The following UNC5A variants were observed in gnomAD, a reference collection of about 807,000 sequenced individuals.
The protein encoded by UNC5A is unc-5 netrin receptor A.
In UNC5A, 20 loss-of-function variants were observed where a neutral mutation model predicts 87.4. The observed-to-expected ratio is 0.23, with a 90% CI of 0.16 to 0.33. The LOEUF (loss-of-function observed/expected upper bound fraction) is 0.33, where lower values mean the gene tolerates loss of function less well. UNC5A is among the 10% of genes least tolerant of loss of function. The pLI, the probability that UNC5A is intolerant of heterozygous loss-of-function variation, is 1.00. For missense variants in UNC5A, 844 were observed against 1,133.4 expected (o/e 0.74, Z 3.67); for synonymous variants, 438 against 482.3 (o/e 0.91, Z 1.20).
intron 6 of UNC5A, among the ~76,000 whole-genome samples, chr5:176,870,983 C>T (rs1203585686): frequency 1.8e-5 from 2 of 109,544 alleles, no homozygotes; most frequent in Non-Finnish European, 3.8e-5. Flanking sequence ...CATCTGCCCA[C>T]GCTCGCCCCA....
chr5:176,868,260 C>T lies in UNC5A; in HGVS notation c.423C>T (p.Tyr141=). The change falls in exon 3 of 15, where the codon TAC becomes TAT. Residue 141 remains tyrosine (Y), a synonymous_variant. Coordinates refer to ENST00000329542, the MANE Select transcript of UNC5A (RefSeq NM_133369.3). The stretch of plus-strand genomic sequence containing the variant: ...GCACCACCAAGAGTCAGAAGGCCTA[C>T]ATCCGCATAGCCTGTGAGTCTAGGG... ...SSGTTKSQKA[Y]IRIAYLRKNF... is the part of the protein sequence containing the mutation. 3.1e-6 allele frequency: 5 copies of T among 1,613,506 alleles called. No homozygotes were observed. Among genetic ancestry groups the T allele is most frequent in the Non-Finnish European group, 4.2e-6 (5 of 1,179,940 alleles).
intron 1 of UNC5A, among the ~76,000 whole-genome samples, chr5:176,812,926 T>G (rs1019473615): frequency 6.6e-6 from 1 of 152,160 alleles, no homozygotes; most frequent in South Asian, 2.1e-4. Context: ...CCGCGCTGCC[T>G]TTTGCCTCCG....
In UNC5A at chr5:176,874,239, G is replaced by T; in HGVS notation, c.1076-25G>T. The T allele has an allele frequency of 1.9e-6, 3 of 1,583,892 alleles. No individual in the cohort carries two copies. The highest frequency in any genetic ancestry group is 2.6e-6 in the Non-Finnish European group (3 of 1,162,878). ...GGGCAGGGATGCCCTAGGTGCCATT[G>T]CCTGAGTCTGTCTTTATCCTGCAGA... On this transcript the variant is annotated intron_variant, in intron 7 of 14. Transcript: ENST00000329542. The surrounding 1 kb of genome is among the most constrained non-coding windows in gnomAD (Gnocchi z 7.6).
At chr5:176,853,674 C>T (rs1757599627) in intron 1 of UNC5A, among the ~76,000 whole-genome samples, 1 of 152,210 alleles carries the variant, frequency 6.6e-6, no homozygotes, top group African/African-American at 2.4e-5. Context: ...GGGACTGTCA[C>T]CCCCATCCAG....
chr5:176,859,010 G>T (rs2113646731), intron 1 of UNC5A, among the ~76,000 whole-genome samples: 1 of 152,328 alleles, frequency 6.6e-6, no homozygotes, highest in Non-Finnish European at 1.5e-5. Context: ...AGCCCTGACT[G>T]CCCAGGAAGA....
chr5:176,877,302 C>T lies in UNC5A; in HGVS notation c.1466+23C>T, dbSNP rs376627568. 3,149 of 1,601,420 alleles carry T rather than the reference C, an allele frequency of 2.0e-3. 38 individuals are homozygous for T. Among genetic ancestry groups the T allele is most frequent in the South Asian group, 0.018 (1,672 of 90,614 alleles). Reference sequence around the variant, plus strand: ...GAGGTGTGGCCGCGGGCCCTGTTGCCGGGGGTGGGAGGGACCTGCCTGCTG... The same window carrying T: ...GAGGTGTGGCCGCGGGCCCTGTTGCTGGGGGTGGGAGGGACCTGCCTGCTG... On this transcript the variant is annotated intron_variant, in intron 9 of 14. Coordinates refer to ENST00000329542, the MANE Select transcript of UNC5A (RefSeq NM_133369.3).
intron 1 of UNC5A, among the ~76,000 whole-genome samples, chr5:176,837,045 C>T (rs1350676393): frequency 1.3e-5 from 2 of 152,210 alleles, no homozygotes; most frequent in Non-Finnish European, 2.9e-5. Flanking sequence ...AACAACTTGT[C>T]CCTGTCTGAC....
At chr5:176,853,204 C>A (rs1757587226) in intron 1 of UNC5A, among the ~76,000 whole-genome samples, 1 of 152,194 alleles carries the variant, frequency 6.6e-6, no homozygotes, top group Admixed American at 6.5e-5. Context: ...CTGGCCCCGG[C>A]CATTTGGCTA....
At chr5:176,834,133 C>A (rs1757093152) in intron 1 of UNC5A, among the ~76,000 whole-genome samples, 1 of 152,186 alleles carries the variant, frequency 6.6e-6, no homozygotes, top group South Asian at 2.1e-4. Context: ...GTGTGTGTGA[C>A]CTCCAGGAGC....
intron 1 of UNC5A, among the ~76,000 whole-genome samples, chr5:176,860,565 G>C (rs1177235778): frequency 6.6e-6 from 1 of 152,158 alleles, no homozygotes; most frequent in Non-Finnish European, 1.5e-5. Context: ...CTGTACACTT[G>C]ATGAGCCCAG....
chr5:176,868,389 T>G, intron 3 of UNC5A, 116 bp downstream of exon 3: 1 of 1,516,810 alleles, frequency 6.6e-7, no homozygotes, highest in Non-Finnish European at 9.0e-7. Flanking sequence ...CAGCCCTGCC[T>G]GGATGAGTGG....
rs898580900 is a variant in UNC5A, at chr5:176,874,730, G to A, written c.1378+164G>A. Among the ~76,000 whole-genome samples, 4 of 152,182 alleles carry A rather than the reference G, an allele frequency of 2.6e-5. No individual in the cohort carries two copies. Among genetic ancestry groups the A allele is most frequent in the African/African-American group, 9.7e-5 (4 of 41,426 alleles). ...AGTCTTGGCTGGCACCGAGGCCGTG[G>A]CCAGAGCTGTCTTCCTCTTGTTGCC... On this transcript the variant is annotated intron_variant, in intron 8 of 14. Coordinates refer to ENST00000329542, the MANE Select transcript of UNC5A (RefSeq NM_133369.3). This position sits in a 1 kb window ranked among gnomAD's most constrained non-coding sequence, Gnocchi z 7.6.
In UNC5A at chr5:176,877,389, G is replaced by C. The variant is rs1758288691; in HGVS notation, c.1466+110G>C. 5 of 1,358,230 alleles carry C rather than the reference G, an allele frequency of 3.7e-6. No individual in the cohort carries two copies. In the East Asian group the frequency reaches 9.6e-5, roughly 26 times the overall value. 84.1% of individuals were successfully genotyped at this position (1,358,230 alleles called of 1,614,324 possible). A position where few individuals can be genotyped will look rare whatever the true frequency, so the allele number is the denominator to read the frequency against. ...TTGTGCCTGGCCCGAGGCGGCGGGG[G>C]AAAGAGCTATGCCTAAGCCCCACGT... On this transcript the variant is annotated intron_variant, in intron 9 of 14. Transcript: ENST00000329542.
At chr5:176,851,604 G>T (rs949943674) in intron 1 of UNC5A, among the ~76,000 whole-genome samples, 5 of 152,262 alleles carry the variant, frequency 3.3e-5, no homozygotes, top group African/African-American at 9.6e-5. Context: ...ACCTGGGCTG[G>T]GGGCGGGGCT....
Position 176,869,663 on chromosome 5 carries a change from C to T in UNC5A, c.721+699C>T. ...CCGAGTGGTCCGTCTGCAGCGCCAG[C>T]TGTGGGCGCGGCTGGCAGAAACGGA... On this transcript the variant is annotated intron_variant, in intron 5 of 14. Coordinates refer to ENST00000329542, the MANE Select transcript of UNC5A (RefSeq NM_133369.3). The surrounding 1 kb of genome is among the most constrained non-coding windows in gnomAD (Gnocchi z 9.1). The T allele has an allele frequency of 1.4e-6, 1 of 699,522 alleles. No individual in the cohort carries two copies. The highest frequency in any genetic ancestry group is 2.6e-6 in the Non-Finnish European group (1 of 382,996). The allele number at this position is 699,522 out of a possible 1,614,324, so 43.3% of individuals were successfully genotyped here.
chr5:176,863,702 A>G (rs1484365029), intron 2 of UNC5A, among the ~76,000 whole-genome samples: 1 of 144,794 alleles, frequency 6.9e-6, no homozygotes. Context: ...GGAGCAAACA[A>G]CAGCTTCTCC....
intron 1 of UNC5A, among the ~76,000 whole-genome samples, chr5:176,834,027 T>A (rs2113611316): frequency 6.6e-6 from 1 of 152,246 alleles, no homozygotes; most frequent in South Asian, 2.1e-4. Flanking sequence ...TCTTATTCTC[T>A]CATTCATCAA....
At chr5:176,823,582 T>G (rs933780122) in intron 1 of UNC5A, among the ~76,000 whole-genome samples, 1 of 151,282 alleles carries the variant, frequency 6.6e-6, no homozygotes, top group Non-Finnish European at 1.5e-5. Context: ...CCCTACGGGG[T>G]AGGTCGGTAT....
At chr5:176,856,353 C>G (rs999670) in intron 1 of UNC5A, among the ~76,000 whole-genome samples, 6 of 152,214 alleles carry the variant, frequency 3.9e-5, no homozygotes, top group Middle Eastern at 3.4e-3. Context: ...CCCGCCACTC[C>G]GCCTGTGGGC....
Sources: allele counts gnomAD v4.1 joint callset (sites outside exome capture counted in the v4.1 genomes callset), GRCh38; gene constraint gnomAD v4.1.1; non-coding constraint Gnocchi (gnomAD v3.1); transcripts MANE v1.5; gene names NCBI Gene and HGNC (gene_info 2026-07-23, HGNC 2026-07-21).